The following GSE1 variants were observed in gnomAD, a reference collection of about 807,000 sequenced individuals.
GSE1 encodes the protein genetic suppressor element 1.
In GSE1, 32 loss-of-function variants were observed where a neutral mutation model predicts 112.6. That is an observed-to-expected ratio of 0.28 (90% CI 0.21 to 0.38). The LOEUF is 0.38. Among genes scored for constraint, GSE1 ranks in the 10% least tolerant of loss-of-function variants. The pLI is 1.00. For synonymous variants in GSE1, 1,115 were observed against 735.6 expected, an observed-to-expected ratio of 1.52 and a Z score of -8.35; for missense variants, 2,348 against 1,699.2, an observed-to-expected ratio of 1.38 and a Z score of -6.71.
chr16:85,665,479 GCCC>G (rs1399058504), intron 12 of GSE1, among the ~76,000 whole-genome samples: 2 of 152,178 alleles, frequency 1.3e-5, no homozygotes, highest in African/African-American at 4.8e-5. Flanking sequence ...CAGCCTTAGT[GCCC>G]GCAGCCTGGT....
intron 1 of GSE1, among the ~76,000 whole-genome samples, chr16:85,190,185 G>A (rs535453603): frequency 2.6e-5 from 4 of 152,342 alleles, no homozygotes; most frequent in African/African-American, 7.2e-5. Context: ...CTGCCCCTGT[G>A]ATGGACATTG....
At chr16:85,455,125 T>C (rs1371739993) in intron 2 of GSE1, among the ~76,000 whole-genome samples, 1 of 152,234 alleles carries the variant, frequency 6.6e-6, no homozygotes, top group African/African-American at 2.4e-5. Flanking sequence ...GCCCTGCGGC[T>C]GCAATAAACA....
rs534017401 is a variant in GSE1, at chr16:85,591,442, C to T, written c.37+35079C>T. ...AGCCCAGTGGCTCTAACTTTTCTCC[C>T]GACTCCCAGATGCGGATGGAGCCTT... is the stretch of plus-strand genomic sequence containing the variant. On this transcript the variant is annotated intron_variant, in intron 1 of 2. Coordinates refer to the GSE1 transcript ENST00000635906. Among the ~76,000 whole-genome samples the T allele has an allele frequency of 5.4e-4, 83 of 152,358 alleles. 1 individual carries two copies. Among genetic ancestry groups the T allele is most frequent in the African/African-American group, 2.0e-3 (82 of 41,586 alleles).
At chr16:85,632,405 A>C (rs928919081) in intron 1 of GSE1, among the ~76,000 whole-genome samples, 5 of 151,700 alleles carry the variant, frequency 3.3e-5, no homozygotes, top group Admixed American at 2.6e-4. Flanking sequence ...AGTGCCCCCA[A>C]AGAATTATTT....
intron 2 of GSE1, among the ~76,000 whole-genome samples, chr16:85,374,760 G>A (rs1161808837): frequency 2.0e-5 from 3 of 152,102 alleles, no homozygotes; most frequent in Non-Finnish European, 4.4e-5. Flanking sequence ...GGAGGGAGGC[G>A]CCCACGCAGT....
intron 2 of GSE1, among the ~76,000 whole-genome samples, chr16:85,444,678 A>T (rs2049463821): frequency 6.6e-6 from 1 of 152,080 alleles, no homozygotes; most frequent in Admixed American, 6.5e-5. Context: ...GCACACATGC[A>T]CACGTGCACA....
chr16:85,494,251 G>A (rs982492707), intron 2 of GSE1, among the ~76,000 whole-genome samples: 1 of 152,148 alleles, frequency 6.6e-6, no homozygotes, highest in Non-Finnish European at 1.5e-5. Context: ...GTTTCCCTGC[G>A]CCTCCCAACT....
At chr16:85,347,347 G>A (rs2046764205) in intron 1 of GSE1, among the ~76,000 whole-genome samples, 1 of 152,162 alleles carries the variant, frequency 6.6e-6, no homozygotes, top group South Asian at 2.1e-4. Flanking sequence ...TCCACATCTT[G>A]GGGCGCTGGC....
chr16:85,380,518 C>G (rs74784331), intron 2 of GSE1, among the ~76,000 whole-genome samples: 1 of 149,650 alleles, frequency 6.7e-6, no homozygotes, highest in African/African-American at 2.4e-5. Flanking sequence ...CACCCCCCCT[C>G]CACCCGCCAC....
At chr16:85,418,261 A>G (rs1365619267) in intron 2 of GSE1, among the ~76,000 whole-genome samples, 8 of 152,242 alleles carry the variant, frequency 5.3e-5, no homozygotes, top group African/African-American at 1.7e-4. Context: ...TTTAGCTGCC[A>G]TGAAGCCAGT....
chr16:85,617,122 G>A (rs552605492), intron 1 of GSE1, among the ~76,000 whole-genome samples: 4 of 152,262 alleles, frequency 2.6e-5, no homozygotes, highest in East Asian at 1.9e-4. Context: ...GGATTCTCCC[G>A]TCTGCTCCAA....
At chr16:85,436,606 C>G (rs1398215836) in intron 2 of GSE1, among the ~76,000 whole-genome samples, 1 of 152,200 alleles carries the variant, frequency 6.6e-6, no homozygotes, top group Non-Finnish European at 1.5e-5. Context: ...ACCTCGGTAG[C>G]CCCAGTGGGG....
chr16:85,614,952 G>A (rs956540743), intron 1 of GSE1, among the ~76,000 whole-genome samples: 1 of 152,250 alleles, frequency 6.6e-6, no homozygotes, highest in Non-Finnish European at 1.5e-5. Context: ...GGACAAAGGG[G>A]CAGAGAGAAG....
At chr16:85,604,846 C>T (rs1331338026) in intron 1 of GSE1, among the ~76,000 whole-genome samples, 1 of 22,450 alleles carries the variant, frequency 4.5e-5, no homozygotes, top group Non-Finnish European at 7.7e-5. Flanking sequence ...GAGATGGAGT[C>T]TCGCTCTGTC....
chr16:85,488,029 G>C (rs948081103), intron 2 of GSE1, among the ~76,000 whole-genome samples: 10 of 152,306 alleles, frequency 6.6e-5, no homozygotes, highest in African/African-American at 2.2e-4. Context: ...GCTCCTAGCA[G>C]GACCAGACAA....
chr16:85,370,276 A>G (rs1479052049), intron 2 of GSE1, among the ~76,000 whole-genome samples: 3 of 152,122 alleles, frequency 2.0e-5, no homozygotes. Flanking sequence ...GCCTCTGAGC[A>G]ACGCACCCCA....
intron 2 of GSE1, among the ~76,000 whole-genome samples, chr16:85,461,850 C>G (rs906464812): frequency 6.6e-6 from 1 of 152,160 alleles, no homozygotes; most frequent in Non-Finnish European, 1.5e-5. Context: ...CCCGGACCTT[C>G]TCCCAGCCCT....
At chr16:85,379,483 C>T (rs2047498146) in intron 2 of GSE1, among the ~76,000 whole-genome samples, 1 of 152,216 alleles carries the variant, frequency 6.6e-6, no homozygotes, top group South Asian at 2.1e-4. Flanking sequence ...CAGGAGGTCT[C>T]CCTGGAACAT....
intron 2 of GSE1, among the ~76,000 whole-genome samples, chr16:85,504,310 G>C (rs769059506): frequency 1.3e-5 from 2 of 152,218 alleles, no homozygotes; most frequent in African/African-American, 4.8e-5. Flanking sequence ...GTTTGGACTC[G>C]TGCTGCGGGC....
Sources: gnomAD v4.1 joint callset for allele counts (sites outside exome capture counted in the v4.1 genomes callset) on GRCh38, gnomAD v4.1.1 for gene constraint, MANE v1.5 for transcripts, NCBI Gene and HGNC (gene_info 2026-07-23, HGNC 2026-07-21) for gene names.